The following PDE8A variants were observed in gnomAD, a reference collection of about 807,000 sequenced individuals.
PDE8A encodes phosphodiesterase 8A.
PDE8A carries 59 observed loss-of-function variants against 105.0 expected under a neutral mutation model. That is an observed-to-expected ratio of 0.56 (90% CI 0.46 to 0.70). PDE8A has a LOEUF of 0.70. Among genes scored for constraint, PDE8A ranks in the 30% least tolerant of loss-of-function variants. PDE8A has a pLI of 0.00. For missense variants in PDE8A, 1,014 were observed against 1,045.9 expected, an observed-to-expected ratio of 0.97 and a Z score of 0.42; for synonymous variants, 355 against 371.9, an observed-to-expected ratio of 0.95 and a Z score of 0.52.
intron 8 of PDE8A, among the ~76,000 whole-genome samples, chr15:85,093,930 G>T (rs62019506): frequency 6.7e-4 from 102 of 152,058 alleles, no homozygotes; most frequent in Non-Finnish European, 1.4e-3. Context: ...CACGATCTTG[G>T]CTCACTGCAG....
At chr15:85,074,960 C>T (rs1418209580) in intron 3 of PDE8A, among the ~76,000 whole-genome samples, 3 of 152,296 alleles carry the variant, frequency 2.0e-5, no homozygotes, top group African/African-American at 4.8e-5. Context: ...TTTAGAGTCC[C>T]TCTCCAACAT....
chr15:85,067,911 G>A (rs190922535), intron 3 of PDE8A, among the ~76,000 whole-genome samples: 68 of 152,118 alleles, frequency 4.5e-4, no homozygotes, highest in African/African-American at 1.6e-3. Flanking sequence ...ACTAGGTAGC[G>A]TTTACCCTTC....
chr15:85,030,794 A>G lies in PDE8A; in HGVS notation c.187-33576A>G, dbSNP rs551103409. Among the ~76,000 whole-genome samples, 263 of 152,306 alleles carry G rather than the reference A, an allele frequency of 1.7e-3. 1 individual carries two copies. Among genetic ancestry groups the G allele is most frequent in the South Asian group, 3.9e-3 (19 of 4,828 alleles). Reference sequence around the variant, plus strand: ...TACTTTTCCTTCAAGATTTAACCTCAGCAGGCATCACTCCACTCCTTTGGA... The same window carrying G: ...TACTTTTCCTTCAAGATTTAACCTCGGCAGGCATCACTCCACTCCTTTGGA... On this transcript the variant is annotated intron_variant, in intron 1 of 21. Coordinates refer to ENST00000394553, the MANE Select transcript of PDE8A (RefSeq NM_002605.3).
Position 85,064,440 on chromosome 15 carries a change from A to G in PDE8A, c.243+14A>G, listed in dbSNP as rs760256167. On this transcript the variant is annotated intron_variant, in intron 2 of 21. Coordinates refer to ENST00000394553, the MANE Select transcript of PDE8A (RefSeq NM_002605.3). Reference sequence around the variant, plus strand: ...GATCAACTTCAGGTAATAATGAACGATGCTGTATTTTTCACATGCTGATTT... The same window carrying G: ...GATCAACTTCAGGTAATAATGAACGGTGCTGTATTTTTCACATGCTGATTT... The G allele has an allele frequency of 4.5e-6, 7 of 1,571,976 alleles. No individual in the cohort carries two copies. The highest frequency in any genetic ancestry group is 1.3e-5 in the African/African-American group (1 of 74,160).
At chr15:85,077,780 G>T (rs908139670) in intron 5 of PDE8A, among the ~76,000 whole-genome samples, 11 of 152,274 alleles carry the variant, frequency 7.2e-5, no homozygotes, top group African/African-American at 2.6e-4. Flanking sequence ...GGAAATATCT[G>T]CAAGGAATAG....
chr15:85,085,874 T>G (rs2081544482), intron 6 of PDE8A, among the ~76,000 whole-genome samples: 1 of 150,908 alleles, frequency 6.6e-6, no homozygotes, highest in African/African-American at 2.4e-5. Context: ...TAGCTGGGCG[T>G]GGTGGCGCAT....
At chr15:85,002,499 A>G (rs1378053095) in intron 1 of PDE8A, among the ~76,000 whole-genome samples, 1 of 152,174 alleles carries the variant, frequency 6.6e-6, no homozygotes, top group African/African-American at 2.4e-5. Flanking sequence ...ACCAACCTGG[A>G]TGGTCCCTGA....
intron 6 of PDE8A, among the ~76,000 whole-genome samples, chr15:85,088,188 C>CT (rs921287184): frequency 2.6e-5 from 4 of 151,914 alleles, no homozygotes; most frequent in African/African-American, 4.8e-5. Context: ...CCTTGCTAAT[C>CT]TTTTTTTTGT....
At chr15:85,085,015 C>T (rs2081528503) in intron 6 of PDE8A, among the ~76,000 whole-genome samples, 1 of 152,162 alleles carries the variant, frequency 6.6e-6, no homozygotes, top group Non-Finnish European at 1.5e-5. Context: ...AGTTAGTCTC[C>T]CTATGTCTAG....
intron 2 of PDE8A, 42 bp downstream of exon 2, chr15:85,064,468 T>G (rs765525407): frequency 7.4e-7 from 1 of 1,356,838 alleles, no homozygotes; most frequent in South Asian, 1.2e-5. Context: ...GCTGATTTTC[T>G]TTAAAAAGGG....
intron 13 of PDE8A, 24 bp downstream of exon 13, chr15:85,113,471 C>G (rs374007130): frequency 1.3e-6 from 2 of 1,577,204 alleles, no homozygotes; most frequent in African/African-American, 2.7e-5. Flanking sequence ...TGGTCTGTCT[C>G]CATTGAGCAC....
chr15:85,131,737 T>C (rs2082333053), intron 20 of PDE8A, among the ~76,000 whole-genome samples: 1 of 152,210 alleles, frequency 6.6e-6, no homozygotes, highest in Admixed American at 6.5e-5. Flanking sequence ...CTTCCTTTTA[T>C]TTCAACCTAA....
intron 1 of PDE8A, among the ~76,000 whole-genome samples, chr15:85,033,222 G>A (rs144030284): frequency 1.3e-5 from 2 of 152,246 alleles, no homozygotes; most frequent in African/African-American, 2.4e-5. Context: ...GACACACCCT[G>A]GGATTCAAAA....
At chr15:85,003,454 A>G (rs970397353) in intron 1 of PDE8A, among the ~76,000 whole-genome samples, 2 of 152,194 alleles carry the variant, frequency 1.3e-5, no homozygotes, top group African/African-American at 2.4e-5. Flanking sequence ...GCGATGGGCA[A>G]CAACTTTCAC....
At chr15:85,096,264 G>A (rs933258202) in intron 8 of PDE8A, among the ~76,000 whole-genome samples, 1 of 151,856 alleles carries the variant, frequency 6.6e-6, no homozygotes, top group Non-Finnish European at 1.5e-5. Context: ...TTATTGAGAT[G>A]TAATTTCTAT....
chr15:85,022,539 A>AT (rs1567233849), intron 1 of PDE8A, among the ~76,000 whole-genome samples: 21 of 80,924 alleles, frequency 2.6e-4, no homozygotes, highest in African/African-American at 1.0e-3. Context: ...ATATATGCAA[A>AT]ATTTTTTTTT....
intron 20 of PDE8A, among the ~76,000 whole-genome samples, chr15:85,133,076 C>G (rs2082351677): frequency 6.6e-6 from 1 of 152,198 alleles, no homozygotes; most frequent in Non-Finnish European, 1.5e-5. Flanking sequence ...ATTAACCCAT[C>G]ATGAAAGTTT....
At chr15:85,052,053 A>G (rs866025681) in intron 1 of PDE8A, among the ~76,000 whole-genome samples, 19 of 149,706 alleles carry the variant, frequency 1.3e-4, no homozygotes, top group African/African-American at 3.7e-4. Flanking sequence ...ATTCCCACCT[A>G]TGAGTGAGAA....
intron 1 of PDE8A, among the ~76,000 whole-genome samples, chr15:85,015,969 C>G (rs1004446777): frequency 1.3e-5 from 2 of 152,048 alleles, no homozygotes; most frequent in Non-Finnish European, 1.5e-5. Flanking sequence ...AACCTCGTCT[C>G]TATTAAAAAT....
Sources: allele counts gnomAD v4.1 joint callset (sites outside exome capture counted in the v4.1 genomes callset), GRCh38; gene constraint gnomAD v4.1.1; transcripts MANE v1.5; gene names NCBI Gene and HGNC (gene_info 2026-07-23, HGNC 2026-07-21).